Variants in TRIM27 observed in about 807,000 individuals in gnomAD.
TRIM27 encodes the protein tripartite motif containing 27, also known as zinc finger protein RFP.
Under a neutral mutation model 57.6 loss-of-function variants are expected in TRIM27, and 12 were observed. The observed-to-expected ratio is 0.21, with a 90% confidence interval of 0.13 to 0.34. The LOEUF is 0.34. Ranked by LOEUF, TRIM27 falls within the 10% of genes least tolerant of loss-of-function variation. The pLI is 1.00. For missense variants in TRIM27, 403 were observed against 656.8 expected (o/e 0.61, Z 4.22); for synonymous variants, 266 against 259.0 (o/e 1.03, Z -0.26).
In TRIM27 at chr6:28,908,682, G is replaced by A. The variant is rs1772956176; in HGVS notation, c.919+126C>T. 1.5e-5 allele frequency: 12 copies of A among 779,690 alleles called. No homozygotes were observed. In the East Asian group the frequency reaches 3.2e-4, roughly 21 times the overall value. 48.3% of individuals were successfully genotyped at this position (779,690 alleles called of 1,614,324 possible). ...GAAAATTAATTAAGACCAAAGGGAAGATGTAAAATATCAGGGAAGGCTGGC... is the reference window on the plus strand; with the variant it reads ...GAAAATTAATTAAGACCAAAGGGAAAATGTAAAATATCAGGGAAGGCTGGC... On this transcript the variant is annotated intron_variant, in intron 6 of 7. Coordinates refer to ENST00000377199, the MANE Select transcript of TRIM27 (RefSeq NM_006510.5).
chr6:28,907,709 A>C (rs1772873454), intron 6 of TRIM27: 1 of 412,930 alleles, frequency 2.4e-6, no homozygotes, highest in Middle Eastern at 3.5e-4. Flanking sequence ...GGCACTTTAT[A>C]GTTGAAACAG....
At chr6:28,908,100 T>C (rs988402454) in intron 6 of TRIM27, 1 of 164,584 alleles carries the variant, frequency 6.1e-6, no homozygotes, top group African/African-American at 2.4e-5. Flanking sequence ...AACTCTTTAC[T>C]GAATGTGGCT....
Position 28,903,113 on chromosome 6 carries a change from C to T in TRIM27, c.*957G>A, listed in dbSNP as rs1003361851. On this transcript the variant is annotated 3_prime_UTR_variant, in exon 8 of 8. Coordinates refer to ENST00000377199, the MANE Select transcript of TRIM27 (RefSeq NM_006510.5). ...GAAGTGATCTGCCCCAGCCTTCTGA[C>T]TTCAGAGTGTCTCATGATCCAATGG... The T allele has an allele frequency of 4.3e-6, 1 of 231,200 alleles. No individual in the cohort carries two copies. Among genetic ancestry groups the T allele is most frequent in the African/African-American group, 2.2e-5 (1 of 45,216 alleles). 14.3% of individuals were successfully genotyped at this position (231,200 alleles called of 1,614,324 possible). A position where few individuals can be genotyped will look rare whatever the true frequency, so the allele number is the denominator to read the frequency against.
rs1268014165 is a variant in TRIM27 at position 28,903,269 on chromosome 6, G to A, written c.*801C>T. ...GGAATATTGTCCCAGAATCCTTCCA[G>A]GGATGGTATACGACTGGCCACCAGT... On this transcript the variant is annotated 3_prime_UTR_variant, in exon 8 of 8. Coordinates refer to ENST00000377199, the MANE Select transcript of TRIM27 (RefSeq NM_006510.5). 4.3e-6 allele frequency: 1 copy of A among 233,058 alleles called. No individual in the cohort carries two copies. The highest frequency in any genetic ancestry group is 5.6e-5 in the Admixed American group (1 of 17,772). 14.4% of individuals were successfully genotyped at this position (233,058 alleles called of 1,614,324 possible).
chr6:28,922,016 C>T (rs1206591824), intron 1 of TRIM27, 29 bp from the exon 2 acceptor site: 1 of 1,526,604 alleles, frequency 6.6e-7, no homozygotes, highest in South Asian at 1.1e-5. Context: ...ATGGGCAGTT[C>T]AAAATTAGGT....
At chr6:28,921,426 T>C (rs952791779) in intron 2 of TRIM27, among the ~76,000 whole-genome samples, 1 of 150,754 alleles carries the variant, frequency 6.6e-6, no homozygotes, top group African/African-American at 2.4e-5. Context: ...AATTAACACA[T>C]CAGCCACTTG....
chr6:28,910,512 T>G (rs1773124367), intron 4 of TRIM27, among the ~76,000 whole-genome samples: 1 of 152,128 alleles, frequency 6.6e-6, no homozygotes, highest in Non-Finnish European at 1.5e-5. Flanking sequence ...GTATTTTTAG[T>G]AGAAATGGGG....
chr6:28,921,216 A>G (rs1774005395), intron 2 of TRIM27, among the ~76,000 whole-genome samples: 1 of 152,016 alleles, frequency 6.6e-6, no homozygotes, highest in African/African-American at 2.4e-5. Context: ...CACCATCTCT[A>G]CTAAAAATAC....
chr6:28,907,792 C>A (rs1382256928), intron 6 of TRIM27: 1 of 389,740 alleles, frequency 2.6e-6, no homozygotes, highest in Non-Finnish European at 5.0e-6. Flanking sequence ...GAAAGTCATG[C>A]CTGAACTAAC....
chr6:28,905,630 C>T (rs954658302), intron 7 of TRIM27: 1 of 152,570 alleles, frequency 6.6e-6, no homozygotes, highest in Admixed American at 6.6e-5. Flanking sequence ...AATCATGGCT[C>T]ACTGCAGACT....
intron 3 of TRIM27, among the ~76,000 whole-genome samples, chr6:28,918,188 C>A (rs1013399377): frequency 6.6e-6 from 1 of 152,162 alleles, no homozygotes; most frequent in Non-Finnish European, 1.5e-5. Context: ...ACATATACTC[C>A]TTTCCATATG....
chr6:28,904,631 G>C lies in TRIM27; in HGVS notation c.981C>G (p.Pro327=), dbSNP rs558924468. 2 of 1,599,992 alleles carry C rather than the reference G, an allele frequency of 1.3e-6. No individual in the cohort carries two copies. Among genetic ancestry groups the C allele is most frequent in the African/African-American group, 1.3e-5 (1 of 75,018 alleles). Residue 327 remains proline, a synonymous_variant, in exon 8 of 8, where the codon CCC becomes CCG. Transcript: ENST00000377199. This position sits in a 1 kb window ranked among gnomAD's most constrained non-coding sequence, Gnocchi z 6.1. ...GCAGATTATCAGAGAGGATCAGGCT[G>C]GGGTAGGCCGTGTCTGGGTCCAGAG... ...DVTLDPDTAY[P]SLILSDNLRQ... is the part of the protein sequence containing the mutation.
chr6:28,913,287 T>TATATATATATATATATAA (rs1215190908), intron 3 of TRIM27, among the ~76,000 whole-genome samples: 2 of 147,020 alleles, frequency 1.4e-5, no homozygotes, highest in Non-Finnish European at 3.0e-5. Context: ...TATATATATA[T>TATATATATATATATATAA]AATATACGTA....
In TRIM27 at chr6:28,909,104, A is replaced by G. The variant is rs1362562788; in HGVS notation, c.771-16T>C. 2.5e-6 allele frequency: 4 copies of G among 1,576,420 alleles called. No homozygotes were observed. The African/African-American group carries it at 4.1e-5, about 16-fold the overall frequency. On this transcript the variant is annotated splice_polypyrimidine_tract_variant and intron_variant, in intron 4 of 7. Coordinates refer to ENST00000377199, the MANE Select transcript of TRIM27 (RefSeq NM_006510.5). ...TCTTTCAGCCCTAAATTTAAAAAAC[A>G]TGAGTAAATTTTTTTTTTTTTTGAG...
intron 3 of TRIM27, chr6:28,915,607 A>C (rs147581696): frequency 6.6e-6 from 1 of 152,346 alleles, no homozygotes; most frequent in Non-Finnish European, 1.5e-5. Context: ...TGTCTAAAAA[A>C]AATTTAAAAA....
chr6:28,910,123 G>GAAAAAAAAAAAAA (rs9278120), intron 4 of TRIM27, among the ~76,000 whole-genome samples: 2 of 97,620 alleles, frequency 2.0e-5, no homozygotes, highest in Admixed American at 1.2e-4. Flanking sequence ...AAAGAAAAAT[G>GAAAAAAAAAAAAA]AAAAAAAAAA....
Position 28,911,686 on chromosome 6 carries a change from A to G in TRIM27, c.770+10T>C, listed in dbSNP as rs1773221263. 2 of 1,610,834 alleles carry G rather than the reference A, an allele frequency of 1.2e-6. No homozygotes were observed. Among genetic ancestry groups the G allele is most frequent in the Admixed American group, 3.4e-5 (2 of 59,350 alleles). On this transcript the variant is annotated intron_variant, in intron 4 of 7. Coordinates refer to ENST00000377199, the MANE Select transcript of TRIM27 (RefSeq NM_006510.5). ...ATTTGATTTAACACTAGGGAAACAGAAAACTATACCTGCTCAATGTGTCCC... is the reference window on the plus strand; with the variant it reads ...ATTTGATTTAACACTAGGGAAACAGGAAACTATACCTGCTCAATGTGTCCC...
Position 28,903,650 on chromosome 6 carries a change from G to A in TRIM27, c.*420C>T, listed in dbSNP as rs1222514801. On this transcript the variant is annotated 3_prime_UTR_variant, in exon 8 of 8. Transcript: ENST00000377199. Reference sequence around the variant, plus strand: ...GCTGACAGGGCCTTATTCCAGTCTAGGTTGTTAGAAAGGAGCCCTAGCCCA... The same window carrying A: ...GCTGACAGGGCCTTATTCCAGTCTAAGTTGTTAGAAAGGAGCCCTAGCCCA... The A allele has an allele frequency of 1.5e-5, 4 of 258,340 alleles. No individual in the cohort carries two copies. The highest frequency in any genetic ancestry group is 3.0e-5 in the Non-Finnish European group (4 of 133,654). The allele number at this position is 258,340 out of a possible 1,614,324, so 16.0% of individuals were successfully genotyped here.
At chr6:28,908,639 CA>C in intron 6 of TRIM27, 168 bp downstream of exon 6, 1 of 600,206 alleles carries the variant, frequency 1.7e-6, no homozygotes, top group Non-Finnish European at 2.9e-6. Context: ...CAAATTAGAA[CA>C]AGAAGCTGTT....
Sources: gnomAD v4.1 joint callset for allele counts (sites outside exome capture counted in the v4.1 genomes callset) on GRCh38, gnomAD v4.1.1 for gene constraint, Gnocchi (gnomAD v3.1) non-coding constraint, MANE v1.5 for transcripts, NCBI Gene and HGNC (gene_info 2026-07-23, HGNC 2026-07-21) for gene names.